The following PLA2R1 variants were observed in gnomAD, a reference collection of about 807,000 sequenced individuals.
PLA2R1 encodes the protein phospholipase A2 receptor 1.
In PLA2R1, 158 loss-of-function variants were observed where a neutral mutation model predicts 195.9. The observed-to-expected ratio is 0.81, with a 90% CI of 0.71 to 0.92. PLA2R1 has a LOEUF of 0.92. Ranked by LOEUF, PLA2R1 falls within the 40% of genes least tolerant of loss-of-function variation. The probability of loss-of-function intolerance (pLI) is 0.00; values close to 1 mark genes in which losing one functional copy is unlikely to be tolerated. For synonymous variants in PLA2R1, 586 were observed against 598.2 expected, an observed-to-expected ratio of 0.98 and a Z score of 0.30; for missense variants, 1,626 against 1,764.6, an observed-to-expected ratio of 0.92 and a Z score of 1.41.
chr2:160,053,433 A>G (rs1695341792), intron 1 of PLA2R1, among the ~76,000 whole-genome samples: 1 of 152,010 alleles, frequency 6.6e-6, no homozygotes, highest in African/African-American at 2.4e-5. Flanking sequence ...TCCAGGGTGC[A>G]ATGAAAATAC....
At chr2:159,984,955 T>C (rs1546514) in intron 12 of PLA2R1, among the ~76,000 whole-genome samples, 22,222 of 152,152 alleles carry the variant, frequency 0.15, 3,625 homozygotes, top group African/African-American at 0.4. Context: ...TTCCATCTTT[T>C]AAATTATATG....
At chr2:159,961,732 C>G (rs755402624) in intron 20 of PLA2R1, among the ~76,000 whole-genome samples, 13 of 152,094 alleles carry the variant, frequency 8.5e-5, no homozygotes, top group Non-Finnish European at 1.2e-4. Flanking sequence ...GCCACCATTC[C>G]CATAGATACA....
At chr2:159,978,994 A>G (rs546719796) in intron 14 of PLA2R1, among the ~76,000 whole-genome samples, 4 of 152,264 alleles carry the variant, frequency 2.6e-5, no homozygotes, top group African/African-American at 9.6e-5. Flanking sequence ...TCTAATACCC[A>G]TGGCACTGAG....
chr2:159,986,133 T>C (rs112645558), intron 12 of PLA2R1, among the ~76,000 whole-genome samples: 3 of 152,210 alleles, frequency 2.0e-5, no homozygotes, highest in African/African-American at 7.2e-5. Context: ...TCTTGCTGCC[T>C]ATCTGTGAAT....
rs773462579 is a variant in PLA2R1 at position 159,967,606 on chromosome 2, T to C, written c.2837A>G (p.Glu946Gly). 1 of 1,613,652 alleles carries C rather than the reference T, an allele frequency of 6.2e-7. No individual in the cohort carries two copies. The highest frequency in any genetic ancestry group is 8.5e-7 in the Non-Finnish European group (1 of 1,179,618). ...ICKRKKVWLI[E>G]KKKDTPKQHG... ...TTGTTTTGGTGTATCTTTCTTTTTC[T>C]CTATGAGCCAAACCTTTTTTCGCTT... Residue 946 changes from glutamate (E) to glycine (G), a missense_variant, in exon 20 of 30, where the codon GAG (glutamate) becomes GGG (glycine). Coordinates refer to ENST00000283243, the MANE Select transcript of PLA2R1 (RefSeq NM_007366.5).
intron 10 of PLA2R1, among the ~76,000 whole-genome samples, chr2:160,006,048 TG>T (rs1401216081): frequency 6.6e-6 from 1 of 152,176 alleles, no homozygotes. Context: ...CTCTTGCATA[TG>T]GGGCTTAATT....
At chr2:159,989,504 A>C (rs1457401389) in intron 11 of PLA2R1, among the ~76,000 whole-genome samples, 1 of 152,220 alleles carries the variant, frequency 6.6e-6, no homozygotes, top group African/African-American at 2.4e-5. Context: ...AACCTCATGG[A>C]AAGAACTTCG....
the PLA2R1 span, among the ~76,000 whole-genome samples, chr2:159,926,867 T>C: frequency 1.3e-5 from 2 of 152,086 alleles, no homozygotes; most frequent in Admixed American, 1.3e-4. Flanking sequence ...ACACTGAAGC[T>C]ATGGAGAGGA....
chr2:159,997,020 T>C (rs925645151), intron 11 of PLA2R1, among the ~76,000 whole-genome samples: 9 of 152,202 alleles, frequency 5.9e-5, no homozygotes, highest in African/African-American at 2.2e-4. Flanking sequence ...ATTCCTGTCA[T>C]AGCTGACTGG....
Position 159,945,033 on chromosome 2 carries a change from CCA to C in PLA2R1, c.4015_4016del (p.Trp1339GlyfsTer22). 6.2e-7 allele frequency: 1 copy of C among 1,613,690 alleles called. No homozygotes were observed. Among genetic ancestry groups the C allele is most frequent in the East Asian group, 2.2e-5 (1 of 44,854 alleles). On this transcript the variant is annotated frameshift_variant, in exon 28 of 30. Transcript: ENST00000283243. LOFTEE classifies it high-confidence loss of function. ...FDGTPTDQSN[W>X]GIRKPDTDYF... ...AGTCTGTGTCTGGCTTCCGAATGCC[CCA>C]GTTTGACTGGTCTGTGGGAGTTCCA... is the stretch of plus-strand genomic sequence containing the variant.
At chr2:160,000,227 G>A (rs781723171) in intron 11 of PLA2R1, among the ~76,000 whole-genome samples, 21 of 152,130 alleles carry the variant, frequency 1.4e-4, no homozygotes, top group Non-Finnish European at 2.4e-4. Flanking sequence ...TTTGGTAAGC[G>A]TACATGAGAA....
intron 12 of PLA2R1, among the ~76,000 whole-genome samples, chr2:159,985,999 C>T (rs986870442): frequency 6.6e-6 from 1 of 152,070 alleles, no homozygotes; most frequent in Non-Finnish European, 1.5e-5. Flanking sequence ...CCGAGAGAAG[C>T]GCTTTGGGGA....
intron 11 of PLA2R1, among the ~76,000 whole-genome samples, chr2:159,994,101 G>T (rs1260575409): frequency 1.5e-4 from 23 of 151,812 alleles, no homozygotes; most frequent in Admixed American, 1.4e-3. Context: ...GGGACATTAT[G>T]TGCCTCTAGA....
At chr2:159,964,521 T>C (rs1006406253) in intron 20 of PLA2R1, among the ~76,000 whole-genome samples, 1 of 152,176 alleles carries the variant, frequency 6.6e-6, no homozygotes, top group African/African-American at 2.4e-5. Flanking sequence ...AAATAATTTA[T>C]ACCTGGTAGA....
chr2:160,041,400 T>C (rs1397768769), intron 3 of PLA2R1, among the ~76,000 whole-genome samples: 2 of 152,038 alleles, frequency 1.3e-5, no homozygotes, highest in African/African-American at 4.8e-5. Flanking sequence ...AATAAGGCAC[T>C]AACTGAAAAA....
rs1338024212 is a variant in PLA2R1, at chr2:160,042,798, TGC to T, written c.494-602_494-601del. 5.1e-3 allele frequency among the ~76,000 whole-genome samples: 331 copies of T among 64,312 alleles called. 2 individuals are homozygous for T. Among genetic ancestry groups the T allele is most frequent in the East Asian group, 0.021 (24 of 1,158 alleles). 42.2% of individuals were successfully genotyped at this position (64,312 alleles called of 152,430 possible). On this transcript the variant is annotated intron_variant, in intron 2 of 29. Transcript: ENST00000283243. ...GAGAAGACAGAGTGGGGTGTGTGTG[TGC>T]GTGTGTGTGTGTGTGTGTGTGTGTG...
At position 159,987,231 on chromosome 2, in the gene PLA2R1, C is replaced by A; in HGVS notation, c.1962G>T (p.Glu654Asp). The change falls in exon 12 of 30, where the codon GAG becomes GAT. Residue 654 changes from glutamate (E) to aspartate (D), a missense_variant. Glu to Asp is a conservative substitution (Grantham distance 45). Coordinates refer to ENST00000283243, the MANE Select transcript of PLA2R1 (RefSeq NM_007366.5). ...GGTGAAAGGGCCATCTCTCTTCATA[C>A]TCTGCTTTTTCCTGATTTTCAACTG... ...KQPVENQEKA[E>D]YEERWPFHPC... 1 of 1,613,292 alleles carries A rather than the reference C, an allele frequency of 6.2e-7. No individual in the cohort carries two copies.
intron 20 of PLA2R1, among the ~76,000 whole-genome samples, chr2:159,962,130 A>G (rs546413038): frequency 4.6e-5 from 7 of 152,322 alleles, no homozygotes; most frequent in Admixed American, 3.3e-4. Context: ...TTTGCAATCT[A>G]TCCATCTGAC....
intron 11 of PLA2R1, among the ~76,000 whole-genome samples, chr2:159,992,550 G>A (rs1252194885): frequency 3.3e-5 from 5 of 149,578 alleles, no homozygotes; most frequent in African/African-American, 9.9e-5. Context: ...CCATGCTCAT[G>A]GGTAGGAAGA....
Sources: gnomAD v4.1 joint callset for allele counts (sites outside exome capture counted in the v4.1 genomes callset) on GRCh38, gnomAD v4.1.1 for gene constraint, MANE v1.5 for transcripts, NCBI Gene and HGNC (gene_info 2026-07-23, HGNC 2026-07-21) for gene names.